CNTNAP2: variants seen among roughly 807,000 people sequenced by gnomAD.
The protein encoded by CNTNAP2 is contactin associated protein 2.
CNTNAP2 carries 98 observed loss-of-function variants against 155.2 expected under a neutral mutation model. The ratio of observed to expected loss-of-function variants is 0.63; its 90% CI spans 0.54 to 0.75. CNTNAP2 has a LOEUF of 0.75. Ranked by LOEUF, CNTNAP2 falls within the 30% of genes least tolerant of loss-of-function variation. CNTNAP2 has a pLI of 0.00. For missense variants in CNTNAP2, 1,727 were observed against 1,688.1 expected, an observed-to-expected ratio of 1.02 and a Z score of -0.40; for synonymous variants, 651 against 631.2, an observed-to-expected ratio of 1.03 and a Z score of -0.47.
Position 147,962,974 on chromosome 7 carries a change from T to C in CNTNAP2, c.2256-14888T>C, listed in dbSNP as rs139416939. Among the ~76,000 whole-genome samples, 374 of 152,232 alleles carry C rather than the reference T, an allele frequency of 2.5e-3. 2 individuals are homozygous for C. Among genetic ancestry groups the C allele is most frequent in the African/African-American group, 8.6e-3 (359 of 41,560 alleles). ...AATCACTTATTTATGTCAACAAAAA[T>C]GTGACAATAAGATATACCATGGTTA... On this transcript the variant is annotated intron_variant, in intron 14 of 23. Transcript: ENST00000361727.
At chr7:147,672,052 A>G (rs1214805579) in intron 13 of CNTNAP2, 6 of 152,206 alleles carry the variant, frequency 3.9e-5, no homozygotes, top group Non-Finnish European at 8.8e-5. Flanking sequence ...GAGACTAAAA[A>G]AAAGTACTTT....
chr7:146,483,875 C>A (rs1356533545), intron 1 of CNTNAP2, among the ~76,000 whole-genome samples: 2 of 152,034 alleles, frequency 1.3e-5, no homozygotes, highest in East Asian at 3.9e-4. Flanking sequence ...AAAATGTTTT[C>A]TACACAACGA....
At chr7:147,636,489 A>G (rs113565959) in intron 12 of CNTNAP2, among the ~76,000 whole-genome samples, 6,953 of 152,134 alleles carry the variant, frequency 0.046, 536 homozygotes, top group African/African-American at 0.16. Context: ...GGTTTGTTAC[A>G]TAGATATACA....
At chr7:147,536,447 C>T (rs1339724108) in intron 11 of CNTNAP2, among the ~76,000 whole-genome samples, 1 of 152,168 alleles carries the variant, frequency 6.6e-6, no homozygotes, top group African/African-American at 2.4e-5. Flanking sequence ...TCCTGGTCCT[C>T]GTGCTCACTC....
At chr7:147,106,368 CA>C (rs1259440582) in intron 4 of CNTNAP2, among the ~76,000 whole-genome samples, 1 of 152,060 alleles carries the variant, frequency 6.6e-6, no homozygotes, top group African/African-American at 2.4e-5. Flanking sequence ...CATTGAAATT[CA>C]GCTGTGACAG....
intron 14 of CNTNAP2, among the ~76,000 whole-genome samples, chr7:147,971,165 A>C (rs1310770011): frequency 6.6e-6 from 1 of 152,216 alleles, no homozygotes; most frequent in Non-Finnish European, 1.5e-5. Flanking sequence ...AAGCCAGGAA[A>C]TACACCACTT....
At chr7:147,337,896 T>C (rs1795691785) in intron 9 of CNTNAP2, among the ~76,000 whole-genome samples, 1 of 152,140 alleles carries the variant, frequency 6.6e-6, no homozygotes, top group Admixed American at 6.6e-5. Flanking sequence ...ACCCCTGACC[T>C]TACTGATAAA....
chr7:148,092,998 G>T (rs1803879294), intron 15 of CNTNAP2, among the ~76,000 whole-genome samples: 1 of 151,084 alleles, frequency 6.6e-6, no homozygotes, highest in Admixed American at 6.6e-5. Flanking sequence ...ACAGCAATTT[G>T]TTCCAGTTAT....
At chr7:147,016,628 C>T (rs1016953842) in intron 3 of CNTNAP2, among the ~76,000 whole-genome samples, 4 of 151,998 alleles carry the variant, frequency 2.6e-5, no homozygotes, top group African/African-American at 9.7e-5. Flanking sequence ...GCCAAAGTGC[C>T]TAAAAATTAG....
chr7:147,802,659 G>A (rs997011500), intron 13 of CNTNAP2, among the ~76,000 whole-genome samples: 12 of 151,902 alleles, frequency 7.9e-5, no homozygotes, highest in East Asian at 1.9e-4. Context: ...ACCTGCAATC[G>A]CAGGCACTCG....
At chr7:146,907,082 C>G (rs1051888528) in intron 3 of CNTNAP2, among the ~76,000 whole-genome samples, 2 of 150,778 alleles carry the variant, frequency 1.3e-5, no homozygotes, top group Admixed American at 1.3e-4. Flanking sequence ...TGAAATGAAG[C>G]GAGAAGGGAA....
In CNTNAP2 at chr7:148,077,270, G is replaced by A. The variant is rs193244763; in HGVS notation, c.2384-40848G>A. ...TGTGGTGAGCCGAGATCACGCCATT[G>A]CACTCCAGCCTGGGCAACACAGCAA... On this transcript the variant is annotated intron_variant, in intron 15 of 23. Transcript: ENST00000361727. Among the ~76,000 whole-genome samples the A allele has an allele frequency of 1.8e-3, 267 of 151,162 alleles. 1 individual carries two copies. Among genetic ancestry groups the A allele is most frequent in the African/African-American group, 5.9e-3 (244 of 41,026 alleles).
In CNTNAP2 at chr7:147,111,399, T is replaced by C. The variant is rs181890730; in HGVS notation, c.754+3049T>C. On this transcript the variant is annotated intron_variant, in intron 5 of 23. Coordinates refer to ENST00000361727, the MANE Select transcript of CNTNAP2 (RefSeq NM_014141.6). The stretch of plus-strand genomic sequence containing the variant: ...ATATCCCATCTGTCAATTTTTGCTT[T>C]TGTTGCAATTGCTTTTGGCATCTCC... Among the ~76,000 whole-genome samples, 45 of 152,342 alleles carry C rather than the reference T, an allele frequency of 3.0e-4. No individual in the cohort carries two copies. In the East Asian group the frequency reaches 8.5e-3, roughly 29 times the overall value.
intron 13 of CNTNAP2, among the ~76,000 whole-genome samples, chr7:147,893,185 T>G (rs1799720731): frequency 1.3e-5 from 2 of 152,236 alleles, no homozygotes; most frequent in Non-Finnish European, 2.9e-5. Flanking sequence ...TAAGTTGAGA[T>G]AATAGACTTT....
chr7:146,346,266 T>C (rs1423010056), intron 1 of CNTNAP2, among the ~76,000 whole-genome samples: 2 of 152,110 alleles, frequency 1.3e-5, no homozygotes, highest in African/African-American at 4.8e-5. Context: ...CCGCTCCCCA[T>C]TGCTCACATT....
intron 1 of CNTNAP2, among the ~76,000 whole-genome samples, chr7:146,572,781 C>T (rs1798462899): frequency 1.3e-5 from 2 of 151,890 alleles, no homozygotes; most frequent in African/African-American, 4.8e-5. Context: ...AGATATAGTA[C>T]ATTTGTTTTT....
intron 11 of CNTNAP2, among the ~76,000 whole-genome samples, chr7:147,516,780 T>C (rs1218398535): frequency 6.6e-6 from 1 of 151,800 alleles, no homozygotes; most frequent in Non-Finnish European, 1.5e-5. Context: ...GTCAATCATA[T>C]AGCTAGATAC....
chr7:147,942,499 A>G (rs113928253), intron 14 of CNTNAP2, among the ~76,000 whole-genome samples: 59 of 152,232 alleles, frequency 3.9e-4, no homozygotes, highest in Non-Finnish European at 6.9e-4. Flanking sequence ...TAATATTCGT[A>G]GGAAGCCTGT....
chr7:148,178,933 G>A (rs1794989006), intron 18 of CNTNAP2, among the ~76,000 whole-genome samples: 2 of 152,168 alleles, frequency 1.3e-5, no homozygotes, highest in Admixed American at 1.3e-4. Context: ...GGTGATCCTT[G>A]AGTATTGGAT....
Sources: gnomAD v4.1 joint callset for allele counts (sites outside exome capture counted in the v4.1 genomes callset) on GRCh38, gnomAD v4.1.1 for gene constraint, MANE v1.5 for transcripts, NCBI Gene and HGNC (gene_info 2026-07-23, HGNC 2026-07-21) for gene names.